Variants in LRRC7 observed in about 807,000 individuals in gnomAD.
The protein encoded by LRRC7 is leucine rich repeat containing 7.
In LRRC7, 23 loss-of-function variants were observed where a neutral mutation model predicts 175.7. That is an observed-to-expected ratio of 0.13 (90% confidence interval 0.09 to 0.19). The LOEUF is 0.19. Ranked by LOEUF, LRRC7 falls within the 10% of genes least tolerant of loss-of-function variation. LRRC7 has a pLI of 1.00. For synonymous variants in LRRC7, 685 were observed against 680.9 expected, an observed-to-expected ratio of 1.01 and a Z score of -0.09; for missense variants, 1,354 against 1,904.7, an observed-to-expected ratio of 0.71 and a Z score of 5.38.
At chr1:69,610,718 T>C (rs1005839298) in intron 1 of LRRC7, among the ~76,000 whole-genome samples, 11 of 152,122 alleles carry the variant, frequency 7.2e-5, no homozygotes, top group African/African-American at 2.6e-4. Flanking sequence ...ATGCTTAATG[T>C]AACAAGAAAA....
chr1:69,782,998 A>G (rs115075324), intron 3 of LRRC7, among the ~76,000 whole-genome samples: 1 of 152,354 alleles, frequency 6.6e-6, no homozygotes, highest in Non-Finnish European at 1.5e-5. Context: ...CCTACAGGAT[A>G]AAGCTCAGAC....
intron 4 of LRRC7, among the ~76,000 whole-genome samples, chr1:69,822,153 C>T (rs560834514): frequency 6.6e-6 from 1 of 152,260 alleles, no homozygotes; most frequent in Non-Finnish European, 1.5e-5. Flanking sequence ...GATTGCTTGC[C>T]CTTTCTCAGT....
At chr1:69,930,273 G>A (rs1647245446) in intron 7 of LRRC7, among the ~76,000 whole-genome samples, 1 of 152,144 alleles carries the variant, frequency 6.6e-6, no homozygotes, top group African/African-American at 2.4e-5. Context: ...TAGTTGCTGA[G>A]TGAAGAAAGA....
At chr1:69,649,558 G>A (rs1173967777) in intron 1 of LRRC7, among the ~76,000 whole-genome samples, 4 of 152,138 alleles carry the variant, frequency 2.6e-5, no homozygotes, top group African/African-American at 9.7e-5. Context: ...TAATGAAATT[G>A]GAAGGAAGTG....
chr1:69,656,540 TACTA>T (rs1024743737), intron 1 of LRRC7, among the ~76,000 whole-genome samples: 1 of 152,020 alleles, frequency 6.6e-6, no homozygotes, highest in African/African-American at 2.4e-5. Flanking sequence ...CTTTCTTTTT[TACTA>T]ACTAACATAT....
At chr1:69,699,370 T>A (rs1433970502) in intron 2 of LRRC7, among the ~76,000 whole-genome samples, 1 of 152,010 alleles carries the variant, frequency 6.6e-6, no homozygotes, top group Admixed American at 6.6e-5. Context: ...TGAAACCCCA[T>A]CTCTACTAAA....
At chr1:70,030,186 A>G (rs1443390552) in intron 18 of LRRC7, among the ~76,000 whole-genome samples, 1 of 152,184 alleles carries the variant, frequency 6.6e-6, no homozygotes, top group Non-Finnish European at 1.5e-5. Context: ...TGCCTTGTCA[A>G]TGATCTTTCT....
rs1666904696 is a variant in LRRC7, at chr1:70,137,098, T to C, written c.*15211T>C. ...AAGGAAAGTTCTTGTCCCTTGTATATATGTATCTTGTCAAAAAGGACAAGG... is the reference window on the plus strand; with the variant it reads ...AAGGAAAGTTCTTGTCCCTTGTATACATGTATCTTGTCAAAAAGGACAAGG... On this transcript the variant is annotated 3_prime_UTR_variant, in exon 27 of 27. Transcript: ENST00000651989. Among the ~76,000 whole-genome samples the C allele has an allele frequency of 6.6e-6, 1 of 152,168 alleles. No homozygotes were observed. The highest frequency in any genetic ancestry group is 2.4e-5 in the African/African-American group (1 of 41,438).
At chr1:69,699,822 G>A (rs554843563) in intron 2 of LRRC7, among the ~76,000 whole-genome samples, 5 of 152,218 alleles carry the variant, frequency 3.3e-5, no homozygotes, top group Non-Finnish European at 5.9e-5. Flanking sequence ...TGATGCAGCC[G>A]GGTAGCCTCG....
intron 1 of LRRC7, among the ~76,000 whole-genome samples, chr1:69,674,044 A>G (rs1056001192): frequency 3.9e-5 from 6 of 152,082 alleles, no homozygotes; most frequent in Non-Finnish European, 5.9e-5. Flanking sequence ...GCCTCGCTCT[A>G]TTGCCCAGGC....
At chr1:69,883,206 T>C (rs894487358) in intron 7 of LRRC7, among the ~76,000 whole-genome samples, 2 of 151,194 alleles carry the variant, frequency 1.3e-5, no homozygotes, top group African/African-American at 4.9e-5. Flanking sequence ...TCCACAATGG[T>C]TGAACTAGTT....
At chr1:69,646,887 T>A (rs1655076076) in intron 1 of LRRC7, among the ~76,000 whole-genome samples, 1 of 152,056 alleles carries the variant, frequency 6.6e-6, no homozygotes, top group Non-Finnish European at 1.5e-5. Flanking sequence ...CACTGGCTAT[T>A]CAGATTGAGT....
intron 1 of LRRC7, among the ~76,000 whole-genome samples, chr1:69,577,940 G>T (rs1393849276): frequency 6.6e-6 from 1 of 152,028 alleles, no homozygotes; most frequent in African/African-American, 2.4e-5. Flanking sequence ...GCTTGATGGG[G>T]ATAGCATTGA....
At chr1:70,116,108 G>A (rs1053576902) in intron 26 of LRRC7, among the ~76,000 whole-genome samples, 1 of 152,182 alleles carries the variant, frequency 6.6e-6, no homozygotes, top group Non-Finnish European at 1.5e-5. Flanking sequence ...AATTTATTCA[G>A]ATTTACTATT....
rs570450160 is a variant in LRRC7 at position 70,009,205 on chromosome 1, T to A, written c.1005-2592T>A. Among the ~76,000 whole-genome samples, 208 of 152,266 alleles carry A rather than the reference T, an allele frequency of 1.4e-3. 5 individuals are homozygous for A. The South Asian group carries it at 0.04, about 29-fold the overall frequency. ...GAACATAAATCTGTAATTTTTATTT[T>A]AAAAAATTCCTAGTATTTATGACTC... is the stretch of plus-strand genomic sequence containing the variant. On this transcript the variant is annotated intron_variant, in intron 11 of 26. Coordinates refer to ENST00000651989, the MANE Select transcript of LRRC7 (RefSeq NM_001370785.2).
intron 2 of LRRC7, among the ~76,000 whole-genome samples, chr1:69,694,738 ACC>A (rs35720592): frequency 4.1e-5 from 6 of 147,322 alleles, no homozygotes; most frequent in Admixed American, 1.4e-4. Flanking sequence ...TGGTACCCCT[ACC>A]CCCCCCCACT....
intron 7 of LRRC7, among the ~76,000 whole-genome samples, chr1:69,842,765 G>A (rs1186236611): frequency 6.6e-6 from 1 of 152,074 alleles, no homozygotes; most frequent in Admixed American, 6.6e-5. Flanking sequence ...AAAGAGCTAT[G>A]GAATATAGAA....
Position 70,143,876 on chromosome 1 carries a change from T to TATC in LRRC7, c.*21991_*21993dup, listed in dbSNP as rs1374226458. ...TTTGTATGTGTTAAAAAGACTACTA[T>TATC]ATCACAATTAAAAGTACTTTTTAGT... On this transcript the variant is annotated 3_prime_UTR_variant, in exon 27 of 27. Coordinates refer to ENST00000651989, the MANE Select transcript of LRRC7 (RefSeq NM_001370785.2). The TATC allele has an allele frequency of 6.6e-6, 1 of 152,192 alleles. No homozygotes were observed. Among genetic ancestry groups the TATC allele is most frequent in the African/African-American group, 2.4e-5 (1 of 41,428 alleles). 9.4% of individuals were successfully genotyped at this position (152,192 alleles called of 1,614,324 possible).
intron 4 of LRRC7, among the ~76,000 whole-genome samples, chr1:69,812,926 T>C (rs1418620527): frequency 1.3e-5 from 2 of 152,134 alleles, no homozygotes; most frequent in African/African-American, 4.8e-5. Flanking sequence ...TGTAACTAGA[T>C]GCAATTTAAC....
Sources: allele counts gnomAD v4.1 joint callset (sites outside exome capture counted in the v4.1 genomes callset), GRCh38; gene constraint gnomAD v4.1.1; transcripts MANE v1.5; gene names NCBI Gene and HGNC (gene_info 2026-07-23, HGNC 2026-07-21).